FBXW7: variants seen among roughly 807,000 people sequenced by gnomAD.
FBXW7 encodes the protein F-box and WD repeat domain containing 7, also known as F-box/WD repeat-containing protein 7.
FBXW7 carries 11 observed loss-of-function variants against 86.3 expected under a neutral mutation model. The ratio of observed to expected loss-of-function variants is 0.13; its 90% CI spans 0.08 to 0.21. The LOEUF is 0.21. FBXW7 is among the 10% of genes least tolerant of loss of function. The pLI is 1.00. For synonymous variants in FBXW7, 313 were observed against 297.9 expected (o/e 1.05, Z -0.52); for missense variants, 488 against 847.4 (o/e 0.58, Z 5.27).
chr4:152,340,087 A>G (rs1355108099), intron 6 of FBXW7, among the ~76,000 whole-genome samples: 2 of 152,180 alleles, frequency 1.3e-5, no homozygotes, highest in Non-Finnish European at 2.9e-5. Flanking sequence ...ATTTCCATAT[A>G]TTTAAGAAAA....
At chr4:152,439,964 C>T (rs1740738271) in intron 2 of FBXW7, among the ~76,000 whole-genome samples, 1 of 151,852 alleles carries the variant, frequency 6.6e-6, no homozygotes, top group Non-Finnish European at 1.5e-5. Context: ...AACCAATCTG[C>T]ACTAAAAGAT....
chr4:152,391,802 A>C (rs1433150715), intron 4 of FBXW7, among the ~76,000 whole-genome samples: 1 of 152,128 alleles, frequency 6.6e-6, no homozygotes, highest in African/African-American at 2.4e-5. Context: ...GCCAGGTAGT[A>C]GAGTTGAGAT....
chr4:152,451,290 T>A (rs1017196965), intron 2 of FBXW7, among the ~76,000 whole-genome samples: 3 of 152,208 alleles, frequency 2.0e-5, no homozygotes, highest in Non-Finnish European at 4.4e-5. Flanking sequence ...TGCAAGTAAC[T>A]GTCAAAACTT....
At chr4:152,354,125 TCTTTTA>T (rs1443289230) in intron 4 of FBXW7, among the ~76,000 whole-genome samples, 10 of 152,134 alleles carry the variant, frequency 6.6e-5, no homozygotes, top group Non-Finnish European at 1.5e-4. Context: ...CAATGCAACA[TCTTTTA>T]CTTTAAAACA....
chr4:152,441,910 T>C (rs1449675244), intron 2 of FBXW7, among the ~76,000 whole-genome samples: 1 of 152,220 alleles, frequency 6.6e-6, no homozygotes, highest in Non-Finnish European at 1.5e-5. Flanking sequence ...TTAAACATTA[T>C]CTTTAAAAGG....
At chr4:152,459,027 C>T (rs917151524) in intron 2 of FBXW7, among the ~76,000 whole-genome samples, 8 of 152,182 alleles carry the variant, frequency 5.3e-5, no homozygotes. Context: ...AAATTAGGAT[C>T]TAGCTACTTC....
intron 4 of FBXW7, among the ~76,000 whole-genome samples, chr4:152,377,707 G>A (rs1734679934): frequency 6.7e-6 from 1 of 148,650 alleles, no homozygotes; most frequent in African/African-American, 2.5e-5. Context: ...GAAGGTTGCA[G>A]TAAGCTAAGA....
chr4:152,395,106 T>C (rs1362412161), intron 4 of FBXW7, among the ~76,000 whole-genome samples: 2 of 151,986 alleles, frequency 1.3e-5, no homozygotes, highest in Admixed American at 1.3e-4. Flanking sequence ...CATCGTCAAT[T>C]TTATCACAGG....
intron 4 of FBXW7, among the ~76,000 whole-genome samples, chr4:152,391,273 C>T (rs951442539): frequency 5.3e-5 from 8 of 152,104 alleles, no homozygotes; most frequent in African/African-American, 1.2e-4. Context: ...AATTCTTGGA[C>T]GGGCTGACAG....
At chr4:152,461,380 A>G (rs1742928594) in intron 2 of FBXW7, among the ~76,000 whole-genome samples, 1 of 152,182 alleles carries the variant, frequency 6.6e-6, no homozygotes, top group East Asian at 1.9e-4. Flanking sequence ...TATTCACTGA[A>G]CAAGACTTTA....
chr4:152,508,652 T>G (rs1299656190), intron 2 of FBXW7, among the ~76,000 whole-genome samples: 4 of 133,808 alleles, frequency 3.0e-5, no homozygotes, highest in Admixed American at 8.0e-5. Flanking sequence ...ATCGTGCCAC[T>G]GCAAAAAAAA....
chr4:152,405,783 T>A (rs1737372956), intron 4 of FBXW7, among the ~76,000 whole-genome samples: 1 of 152,118 alleles, frequency 6.6e-6, no homozygotes, highest in Non-Finnish European at 1.5e-5. Context: ...ACTCAGATGA[T>A]AAGAAAAAGT....
intron 2 of FBXW7, among the ~76,000 whole-genome samples, chr4:152,514,573 G>T (rs1748288287): frequency 6.6e-6 from 1 of 152,166 alleles, no homozygotes; most frequent in African/African-American, 2.4e-5. Context: ...CATAGGAGCA[G>T]ATTCCACATA....
chr4:152,419,499 ACACACAC>A (rs1560874976), intron 2 of FBXW7, among the ~76,000 whole-genome samples: 111 of 147,926 alleles, frequency 7.5e-4, no homozygotes, highest in Admixed American at 7.2e-3. Context: ...AGGTAAACAC[ACACACAC>A]ACACACACAC....
chr4:152,499,024 T>G (rs1329610066), intron 2 of FBXW7, among the ~76,000 whole-genome samples: 1 of 152,104 alleles, frequency 6.6e-6, no homozygotes, highest in Admixed American at 6.6e-5. Flanking sequence ...GAAAATAAAT[T>G]TATTAATATA....
At chr4:152,504,779 A>G (rs1747262227) in intron 2 of FBXW7, among the ~76,000 whole-genome samples, 1 of 152,214 alleles carries the variant, frequency 6.6e-6, no homozygotes, top group African/African-American at 2.4e-5. Flanking sequence ...TATCTACCAG[A>G]TTTCAAAAAC....
At chr4:152,335,857 T>C (rs1199477689) in intron 7 of FBXW7, among the ~76,000 whole-genome samples, 3 of 152,228 alleles carry the variant, frequency 2.0e-5, no homozygotes, top group East Asian at 3.8e-4. Flanking sequence ...TGTATGATTA[T>C]GATTTTCTTG....
chr4:152,328,427 A>G (rs758301409), intron 10 of FBXW7, 38 bp from the exon 11 acceptor site: 2 of 1,329,718 alleles, frequency 1.5e-6, no homozygotes, highest in Non-Finnish European at 2.0e-6. Context: ...TTGGGTAGAA[A>G]GGAAAAGTGA....
At chr4:152,335,300 C>A (rs939035673) in intron 7 of FBXW7, among the ~76,000 whole-genome samples, 1 of 151,564 alleles carries the variant, frequency 6.6e-6, no homozygotes. Flanking sequence ...CCTACCACCA[C>A]CCCCACCCCG....
Sources: gnomAD v4.1 joint callset for allele counts (sites outside exome capture counted in the v4.1 genomes callset) on GRCh38, gnomAD v4.1.1 for gene constraint, MANE v1.5 for transcripts, NCBI Gene and HGNC (gene_info 2026-07-23, HGNC 2026-07-21) for gene names.